PDLIM5: variants seen among roughly 807,000 people sequenced by gnomAD.
The protein encoded by PDLIM5 is PDZ and LIM domain protein 5.
A neutral mutation model predicts 64.2 loss-of-function variants in PDLIM5; 34 were observed. The ratio of observed to expected loss-of-function variants is 0.53; its 90% CI spans 0.40 to 0.71. The LOEUF (loss-of-function observed/expected upper bound fraction) is 0.71. PDLIM5 is among the 30% of genes least tolerant of loss of function. PDLIM5 has a pLI of 0.00. For synonymous variants in PDLIM5, 253 were observed against 269.1 expected, an observed-to-expected ratio of 0.94 and a Z score of 0.59; for missense variants, 683 against 733.6, an observed-to-expected ratio of 0.93 and a Z score of 0.80.
chr4:94,529,478 G>C (rs766419599), intron 3 of PDLIM5, among the ~76,000 whole-genome samples: 1 of 152,096 alleles, frequency 6.6e-6, no homozygotes, highest in East Asian at 1.9e-4. Flanking sequence ...AAATATACGT[G>C]TATATTCAAA....
At chr4:94,641,045 G>A (rs1433910440) in intron 9 of PDLIM5, among the ~76,000 whole-genome samples, 2 of 152,146 alleles carry the variant, frequency 1.3e-5, no homozygotes, top group Admixed American at 6.5e-5. Context: ...TCTTAAGAAT[G>A]CACTGTACTG....
At chr4:94,504,417 G>A (rs182400518) in intron 2 of PDLIM5, among the ~76,000 whole-genome samples, 212 of 152,172 alleles carry the variant, frequency 1.4e-3, no homozygotes, top group Non-Finnish European at 2.6e-3. Context: ...CTCCCGAGTA[G>A]CTGGGATTAC....
chr4:94,617,271 C>G (rs2110393658), intron 7 of PDLIM5, among the ~76,000 whole-genome samples: 1 of 152,094 alleles, frequency 6.6e-6, no homozygotes, highest in South Asian at 2.1e-4. Flanking sequence ...GCCATATGAT[C>G]TTCAAAACCA....
chr4:94,626,703 G>A (rs547605742), intron 8 of PDLIM5, among the ~76,000 whole-genome samples: 1 of 151,786 alleles, frequency 6.6e-6, no homozygotes, highest in South Asian at 2.1e-4. Flanking sequence ...CCCGCTTCTG[G>A]TGTGTGCTAC....
intron 5 of PDLIM5, among the ~76,000 whole-genome samples, chr4:94,583,384 C>G (rs1033304072): frequency 6.6e-6 from 1 of 152,030 alleles, no homozygotes; most frequent in African/African-American, 2.4e-5. Context: ...GACACCAAAC[C>G]TTTTATAGAG....
intron 6 of PDLIM5, 99 bp downstream of exon 6, chr4:94,585,836 A>C: frequency 2.2e-6 from 2 of 897,636 alleles, no homozygotes; most frequent in Non-Finnish European, 1.8e-6. Flanking sequence ...ACCCCGAGAC[A>C]GTTTGCTTTT....
chr4:94,558,755 T>C (rs575516623), intron 3 of PDLIM5, among the ~76,000 whole-genome samples: 1 of 152,068 alleles, frequency 6.6e-6, no homozygotes, highest in South Asian at 2.1e-4. Flanking sequence ...CTAGCTGAAA[T>C]AATAAATCAG....
At chr4:94,529,345 T>C (rs1168297881) in intron 3 of PDLIM5, among the ~76,000 whole-genome samples, 2 of 152,148 alleles carry the variant, frequency 1.3e-5, no homozygotes, top group African/African-American at 2.4e-5. Context: ...CTCCTCCACC[T>C]AAGAATTCCC....
At chr4:94,539,411 G>T (rs765377308) in intron 3 of PDLIM5, among the ~76,000 whole-genome samples, 3 of 152,062 alleles carry the variant, frequency 2.0e-5, no homozygotes, top group Non-Finnish European at 2.9e-5. Context: ...GGCCACAGAG[G>T]CCATGATATA....
At chr4:94,609,086 A>G (rs1738154689) in intron 7 of PDLIM5, among the ~76,000 whole-genome samples, 1 of 152,194 alleles carries the variant, frequency 6.6e-6, no homozygotes, top group Admixed American at 6.5e-5. Flanking sequence ...AATTGGAAGA[A>G]TGACTTATCA....
chr4:94,515,127 T>A (rs945281061), intron 2 of PDLIM5, among the ~76,000 whole-genome samples: 22 of 152,188 alleles, frequency 1.4e-4, no homozygotes, highest in Non-Finnish European at 2.9e-5. Flanking sequence ...CTGTGTATGA[T>A]AGCCCTAAAT....
chr4:94,452,533 C>T (rs1210522581), intron 1 of PDLIM5, among the ~76,000 whole-genome samples: 1 of 152,254 alleles, frequency 6.6e-6, no homozygotes, highest in Non-Finnish European at 1.5e-5. Context: ...TTTGTGTAAC[C>T]TGTTTGGGGA....
chr4:94,455,947 C>T, intron 2 of PDLIM5: 2 of 1,498,036 alleles, frequency 1.3e-6, no homozygotes, highest in African/African-American at 1.4e-5. Context: ...CTTTTTACCT[C>T]ATTATGGATT....
At chr4:94,500,620 A>G (rs1262379258) in intron 2 of PDLIM5, among the ~76,000 whole-genome samples, 1 of 152,152 alleles carries the variant, frequency 6.6e-6, no homozygotes, top group Admixed American at 6.5e-5. Context: ...CTAAAATAGT[A>G]TTTTTTAGTT....
At chr4:94,510,514 A>C (rs1382191504) in intron 2 of PDLIM5, among the ~76,000 whole-genome samples, 1 of 152,150 alleles carries the variant, frequency 6.6e-6, no homozygotes, top group Admixed American at 6.6e-5. Flanking sequence ...AGATTATTAT[A>C]CGAAAACGCA....
In PDLIM5 at chr4:94,664,105, G is replaced by T; in HGVS notation, c.*38G>T. The T allele has an allele frequency of 6.9e-7, 1 of 1,456,866 alleles. No individual in the cohort carries two copies. The highest frequency in any genetic ancestry group is 9.2e-7 in the Non-Finnish European group (1 of 1,085,068). The allele number at this position is 1,456,866 out of a possible 1,614,324, so 90.2% of individuals were successfully genotyped here. A position where few individuals can be genotyped will look rare whatever the true frequency, so the allele number is the denominator to read the frequency against. ...CAGGAGAAGAGAAGGAATTTGAAGA[G>T]AAAAAGGAAAATTAAAATTACTAAT... On this transcript the variant is annotated 3_prime_UTR_variant, in exon 13 of 13. Transcript: ENST00000317968.
intron 7 of PDLIM5, among the ~76,000 whole-genome samples, chr4:94,600,497 A>G (rs563425864): frequency 1.3e-3 from 193 of 152,314 alleles, no homozygotes; most frequent in Middle Eastern, 0.01. Context: ...TTGACTTAAC[A>G]CTATTTATTA....
rs537751250 is a variant in PDLIM5, at chr4:94,502,174, A to G, written c.97-21550A>G. ...GTTTTGAAGCTTGTGTGATGTTTGG[A>G]AATAGCTGTGTTTCTCCTGGAAGCT... On this transcript the variant is annotated intron_variant, in intron 2 of 12. Transcript: ENST00000317968. Among the ~76,000 whole-genome samples, 7 of 152,122 alleles carry G rather than the reference A, an allele frequency of 4.6e-5. No homozygotes were observed. In the South Asian group the frequency reaches 6.2e-4, roughly 14 times the overall value.
Position 94,613,425 on chromosome 4 carries a change from G to A in PDLIM5, c.921-4579G>A, listed in dbSNP as rs145136139. ...TTGTTGCAACAGTTAAACAAATGTG[G>A]GAAAGGAATGTAAACTCAAGATAAA... is the stretch of plus-strand genomic sequence containing the variant. On this transcript the variant is annotated intron_variant, in intron 7 of 12. Coordinates refer to ENST00000317968, the MANE Select transcript of PDLIM5 (RefSeq NM_006457.5). 5.9e-5 allele frequency among the ~76,000 whole-genome samples: 9 copies of A among 152,258 alleles called. No individual in the cohort carries two copies. In the East Asian group the frequency reaches 1.7e-3, roughly 29 times the overall value.
Sources: allele counts gnomAD v4.1 joint callset (sites outside exome capture counted in the v4.1 genomes callset), GRCh38; gene constraint gnomAD v4.1.1; transcripts MANE v1.5; gene names NCBI Gene and HGNC (gene_info 2026-07-23, HGNC 2026-07-21).